Variants in THRB observed in about 807,000 individuals in gnomAD.
The protein encoded by THRB is thyroid hormone receptor beta, also known as nuclear receptor subfamily 1 group A member 2.
Under a neutral mutation model 47.8 loss-of-function variants are expected in THRB, and 12 were observed. The observed-to-expected ratio is 0.25, with a 90% CI of 0.16 to 0.41. THRB has a LOEUF of 0.41. Ranked by LOEUF, THRB falls within the 10% of genes least tolerant of loss-of-function variation. The pLI is 1.00. For synonymous variants in THRB, 218 were observed against 212.2 expected (o/e 1.03, Z -0.24); for missense variants, 348 against 589.2 (o/e 0.59, Z 4.24).
intron 4 of THRB, among the ~76,000 whole-genome samples, chr3:24,198,714 G>C (rs2044259585): frequency 6.6e-6 from 1 of 151,952 alleles, no homozygotes; most frequent in African/African-American, 2.4e-5. Context: ...GATCATTTCT[G>C]AGCTCTTGTT....
chr3:24,161,617 A>AACACACACACACACACACACAC (rs58600238), intron 5 of THRB, among the ~76,000 whole-genome samples: 32 of 141,188 alleles, frequency 2.3e-4, no homozygotes, highest in East Asian at 6.5e-4. Context: ...AGAGCTACAG[A>AACACACACACACACACACACAC]ACACACACAC....
rs750398692 is a variant in THRB, at chr3:24,235,126, T to C, written c.-42-6125A>G. The stretch of plus-strand genomic sequence containing the variant: ...GCAAAAGCAATTGCAGTTTTTGCCA[T>C]TACTTCTAATTGCTTTTGTTTTTGC... On this transcript the variant is annotated intron_variant, in intron 3 of 10. Transcript: ENST00000646209. Among the ~76,000 whole-genome samples, 47 of 152,340 alleles carry C rather than the reference T, an allele frequency of 3.1e-4. 1 individual carries two copies. Among genetic ancestry groups the C allele is most frequent in the South Asian group, 6.2e-4 (3 of 4,822 alleles).
intron 2 of THRB, among the ~76,000 whole-genome samples, chr3:24,336,262 G>C (rs1488088041): frequency 2.0e-5 from 3 of 152,190 alleles, no homozygotes; most frequent in Non-Finnish European, 2.9e-5. Flanking sequence ...TACTAGCACT[G>C]GTTACAATCA....
At position 24,146,815 on chromosome 3, in the gene THRB, A is replaced by C; in HGVS notation, c.392T>G (p.Phe131Cys). 6.2e-7 allele frequency: 1 copy of C among 1,613,790 alleles called. No individual in the cohort carries two copies. Among genetic ancestry groups the C allele is most frequent in the Non-Finnish European group, 8.5e-7 (1 of 1,179,724 alleles). ...CITCEGCKGFFRRTIQKNLHP... is the reference protein window; with the variant it reads ...CITCEGCKGFCRRTIQKNLHP... Reference sequence around the variant, plus strand: ...GAGATTTTTCTGAATGGTTCTTCTAAAGAAACCCTATATGAAAAACAAAGA... The same window carrying C: ...GAGATTTTTCTGAATGGTTCTTCTACAGAAACCCTATATGAAAAACAAAGA... The change falls in exon 7 of 11, where the codon TTT becomes TGT. Residue 131 changes from phenylalanine (F) to cysteine (C), a missense_variant. Phe to Cys is a radical substitution (Grantham distance 205). Transcript: ENST00000646209.
chr3:24,158,433 TGG>T (rs1297009115), intron 5 of THRB, among the ~76,000 whole-genome samples: 2 of 81,030 alleles, frequency 2.5e-5, no homozygotes, highest in Admixed American at 2.6e-4. Flanking sequence ...TTTTTTTTTT[TGG>T]GGGGAGGGTG....
intron 1 of THRB, among the ~76,000 whole-genome samples, chr3:24,353,673 T>C (rs1042416147): frequency 1.2e-4 from 19 of 152,080 alleles, no homozygotes; most frequent in African/African-American, 4.6e-4. Flanking sequence ...TGACTTTATA[T>C]ATTAGGCGAT....
In THRB at chr3:24,120,689, G is replaced by A. The variant is rs1460695635; in HGVS notation, c.*2195C>T. On this transcript the variant is annotated 3_prime_UTR_variant, in exon 11 of 11. Transcript: ENST00000646209. ...CCTCAAGGAGTCAAGAGAGGAAGCT[G>A]AAATATTAGCAGAGCAAGCAATTAA... 6.6e-6 allele frequency: 1 copy of A among 152,284 alleles called. No individual in the cohort carries two copies. The highest frequency in any genetic ancestry group is 1.5e-5 in the Non-Finnish European group (1 of 68,080). The allele number at this position is 152,284 out of a possible 1,614,324, so 9.4% of individuals were successfully genotyped here.
rs1267023594 is a variant in THRB, at chr3:24,445,784, A to G, written c.-261+48868T>C. Among the ~76,000 whole-genome samples, 3 of 152,216 alleles carry G rather than the reference A, an allele frequency of 2.0e-5. No homozygotes were observed. In the East Asian group the frequency reaches 5.8e-4, roughly 29 times the overall value. ...CAATAGAAACAATTAAGAAGGTGAA[A>G]AAAGATGTAATGCAAAACTATTCAA... On this transcript the variant is annotated intron_variant, in intron 1 of 10. Coordinates refer to ENST00000646209, the MANE Select transcript of THRB (RefSeq NM_001354712.2).
intron 1 of THRB, among the ~76,000 whole-genome samples, chr3:24,374,294 A>G (rs2065126518): frequency 6.6e-6 from 1 of 152,134 alleles, no homozygotes; most frequent in African/African-American, 2.4e-5. Context: ...GCATATAAAG[A>G]CAGACTTATA....
At chr3:24,368,648 A>G (rs1482285232) in intron 1 of THRB, among the ~76,000 whole-genome samples, 1 of 152,190 alleles carries the variant, frequency 6.6e-6, no homozygotes, top group Non-Finnish European at 1.5e-5. Context: ...TCCTCTAAGT[A>G]CGTGTGTCCT....
At chr3:24,260,029 C>A (rs2051787706) in intron 3 of THRB, among the ~76,000 whole-genome samples, 1 of 152,064 alleles carries the variant, frequency 6.6e-6, no homozygotes, top group African/African-American at 2.4e-5. Flanking sequence ...AAAAAGAAAC[C>A]CCATACCTTT....
intron 1 of THRB, among the ~76,000 whole-genome samples, chr3:24,479,416 T>G (rs760736593): frequency 2.0e-5 from 3 of 152,204 alleles, no homozygotes; most frequent in Non-Finnish European, 4.4e-5. Flanking sequence ...AGTCTGAGGC[T>G]GAGAAACCTT....
intron 1 of THRB, among the ~76,000 whole-genome samples, chr3:24,432,770 A>G (rs1397413078): frequency 6.6e-6 from 1 of 152,066 alleles, no homozygotes; most frequent in Non-Finnish European, 1.5e-5. Flanking sequence ...AATGGATAGA[A>G]ATGTACTGAG....
intron 1 of THRB, among the ~76,000 whole-genome samples, chr3:24,483,078 T>G (rs911178819): frequency 1.3e-5 from 2 of 152,134 alleles, no homozygotes; most frequent in Non-Finnish European, 2.9e-5. Context: ...TATTTAATAA[T>G]AAAATAATAA....
At chr3:24,427,595 C>G (rs1363109954) in intron 1 of THRB, among the ~76,000 whole-genome samples, 1 of 152,010 alleles carries the variant, frequency 6.6e-6, no homozygotes, top group Admixed American at 6.6e-5. Context: ...TATGCCATGA[C>G]TATTTCCAAA....
rs147283608 is a variant in THRB, at chr3:24,240,356, G to A, written c.-42-11355C>T. Among the ~76,000 whole-genome samples, 85 of 152,246 alleles carry A rather than the reference G, an allele frequency of 5.6e-4. 2 individuals carry two copies. In the East Asian group the frequency reaches 0.015, roughly 27 times the overall value. The stretch of plus-strand genomic sequence containing the variant: ...TTATTCAGTAGTTTACTGAGCCCGC[G>A]TCAAATGGGGAGGCTGTGACGAAGA... On this transcript the variant is annotated intron_variant, in intron 3 of 10. Transcript: ENST00000646209.
rs2055680141 is a variant in THRB at position 24,289,344 on chromosome 3, G to A, written c.-43+7882C>T. On this transcript the variant is annotated intron_variant, in intron 3 of 10. Transcript: ENST00000646209. ...AACACAAGTTCAAATGTGCTTGGATGCATATTCTTTTAGGTTAAAACATAA... is the reference window on the plus strand; with the variant it reads ...AACACAAGTTCAAATGTGCTTGGATACATATTCTTTTAGGTTAAAACATAA... 3.9e-5 allele frequency among the ~76,000 whole-genome samples: 6 copies of A among 152,202 alleles called. No homozygotes were observed. In the South Asian group the frequency reaches 1.2e-3, roughly 32 times the overall value.
intron 6 of THRB, among the ~76,000 whole-genome samples, chr3:24,147,656 G>C (rs187252797): frequency 6.6e-6 from 1 of 152,140 alleles, no homozygotes; most frequent in Non-Finnish European, 1.5e-5. Context: ...TTTTCTGGAC[G>C]TGATCCTCAA....
chr3:24,239,348 C>A (rs1483947747), intron 3 of THRB, among the ~76,000 whole-genome samples: 3 of 152,126 alleles, frequency 2.0e-5, no homozygotes, highest in Non-Finnish European at 4.4e-5. Context: ...ATAGCACACA[C>A]AGCCTGAATT....
Sources: allele counts gnomAD v4.1 joint callset (sites outside exome capture counted in the v4.1 genomes callset), GRCh38; gene constraint gnomAD v4.1.1; transcripts MANE v1.5; gene names NCBI Gene and HGNC (gene_info 2026-07-23, HGNC 2026-07-21).